SBK1: variants seen among roughly 807,000 people sequenced by gnomAD.
SBK1 encodes serine/threonine-protein kinase SBK1.
In SBK1, 11 loss-of-function variants were observed where a neutral mutation model predicts 24.4. The observed-to-expected ratio is 0.45, with a 90% CI of 0.28 to 0.75. The LOEUF is 0.75. SBK1 is among the 30% of genes least tolerant of loss of function. The pLI, the probability that SBK1 is intolerant of heterozygous loss-of-function variation, is 0.12. For missense variants in SBK1, 467 were observed against 620.5 expected (o/e 0.75, Z 2.63); for synonymous variants, 308 against 284.4 (o/e 1.08, Z -0.83).
intron 1 of SBK1, among the ~76,000 whole-genome samples, chr16:28,315,805 G>A (rs1417178114): frequency 6.6e-5 from 10 of 152,034 alleles, no homozygotes; most frequent in African/African-American, 4.8e-5. Flanking sequence ...TTGTTCTGTC[G>A]CCCAGGCTGG....
At chr16:28,284,411 CAG>C (rs2044552773) in intron 1 of SBK1, among the ~76,000 whole-genome samples, 1 of 152,238 alleles carries the variant, frequency 6.6e-6, no homozygotes. Context: ...CCTGCTCCCC[CAG>C]CACACACCCC....
chr16:28,314,655 C>A (rs988966480), intron 1 of SBK1, among the ~76,000 whole-genome samples: 2 of 152,062 alleles, frequency 1.3e-5, no homozygotes, highest in South Asian at 2.1e-4. Context: ...TAGGAGCAGG[C>A]TAGGGACACT....
intron 1 of SBK1, among the ~76,000 whole-genome samples, chr16:28,287,317 C>G (rs1373093081): frequency 6.8e-6 from 1 of 148,066 alleles, no homozygotes; most frequent in Non-Finnish European, 1.5e-5. Flanking sequence ...GGCATGGTGG[C>G]ACGTGCCTGT....
chr16:28,307,060 C>T (rs1475228765), intron 1 of SBK1, among the ~76,000 whole-genome samples: 1 of 152,172 alleles, frequency 6.6e-6, no homozygotes, highest in Non-Finnish European at 1.5e-5. Context: ...GCCCCAGCCC[C>T]AGCCCCAGCA....
At position 28,318,189 on chromosome 16, in the gene SBK1, G is replaced by C. The variant is rs150097248; in HGVS notation, c.226+572G>C. Among the ~76,000 whole-genome samples the C allele has an allele frequency of 3.9e-5, 6 of 152,280 alleles. No individual in the cohort carries two copies. In the South Asian group the frequency reaches 1.2e-3, roughly 32 times the overall value. On this transcript the variant is annotated intron_variant, in intron 2 of 3. Coordinates refer to ENST00000341901, the MANE Select transcript of SBK1 (RefSeq NM_001024401.3). ...CAGGAGTCATCTCCAGAGCCTTGTC[G>C]CTTAGTCACTGAGCTTGATACCTCC... is the stretch of plus-strand genomic sequence containing the variant.
chr16:28,295,896 C>A (rs1379195760), intron 1 of SBK1, among the ~76,000 whole-genome samples: 1 of 146,812 alleles, frequency 6.8e-6, no homozygotes, highest in East Asian at 2.0e-4. Flanking sequence ...ATGCTGGCAT[C>A]TGGGTTTGCA....
Position 28,320,529 on chromosome 16 carries a change from T to C in SBK1, c.883T>C (p.Leu295=). The change falls in exon 4 of 4, where the codon TTA becomes CTA. Residue 295 remains leucine, a synonymous_variant. Transcript: ENST00000341901. This position sits in a 1 kb window ranked among gnomAD's most constrained non-coding sequence, Gnocchi z 8.5. ...TEPALRMFQR[L]LALEPERRGP... is the part of the protein sequence containing the mutation. The stretch of plus-strand genomic sequence containing the variant: ...GCCCGCGCTGCGCATGTTCCAGCGC[T>C]TACTGGCCCTGGAGCCCGAGCGCCG... 2 of 1,564,310 alleles carry C rather than the reference T, an allele frequency of 1.3e-6. No individual in the cohort carries two copies. The highest frequency in any genetic ancestry group is 1.4e-5 in the African/African-American group (1 of 72,090).
At chr16:28,299,687 G>A (rs952536407) in intron 1 of SBK1, among the ~76,000 whole-genome samples, 3 of 152,088 alleles carry the variant, frequency 2.0e-5, no homozygotes, top group African/African-American at 7.2e-5. Flanking sequence ...AGCTGGCCTC[G>A]GAGTTTCTGA....
intron 1 of SBK1, among the ~76,000 whole-genome samples, chr16:28,309,500 C>T (rs1220852386): frequency 6.6e-6 from 1 of 152,148 alleles, no homozygotes; most frequent in Non-Finnish European, 1.5e-5. Flanking sequence ...TCAGTTGTGG[C>T]GATGACTGCA....
chr16:28,294,174 G>T (rs7194938), intron 1 of SBK1, among the ~76,000 whole-genome samples: 1 of 152,090 alleles, frequency 6.6e-6, no homozygotes, highest in East Asian at 1.9e-4. Flanking sequence ...CCGTACCCCA[G>T]CCTGGCCCTC....
intron 1 of SBK1, among the ~76,000 whole-genome samples, chr16:28,270,867 ATTTATTTATTTT>A (rs1415245472): frequency 2.5e-4 from 12 of 47,448 alleles, no homozygotes; most frequent in Non-Finnish European, 3.6e-4. Flanking sequence ...TTATTTATTT[ATTTATTTATTTT>A]TTGAGACGGA....
rs2044871631 is a variant in SBK1, at chr16:28,323,301, G to GCAAAAATAA, written c.*2380_*2381insCAAAAATAA. 2 of 150,980 alleles carry GCAAAAATAA rather than the reference G, an allele frequency of 1.3e-5. No individual in the cohort carries two copies. Among genetic ancestry groups the GCAAAAATAA allele is most frequent in the Non-Finnish European group, 3.0e-5 (2 of 67,736 alleles). The allele number at this position is 150,980 out of a possible 1,614,324, so 9.4% of individuals were successfully genotyped here. On this transcript the variant is annotated 3_prime_UTR_variant, in exon 4 of 4. Coordinates refer to ENST00000341901, the MANE Select transcript of SBK1 (RefSeq NM_001024401.3). ...AAAAATAATAGCAAAAAATAACACT[G>GCAAAAATAA]TAGACATGAAGACTTAGAAGACAAA...
chr16:28,288,898 C>G (rs1198709448), upstream of SBK1, among the ~76,000 whole-genome samples: 1 of 152,168 alleles, frequency 6.6e-6, no homozygotes, highest in Non-Finnish European at 1.5e-5. Context: ...CTTTGGGGAC[C>G]AGGACTTCCC....
At chr16:28,307,777 A>C (rs187724488) in intron 1 of SBK1, among the ~76,000 whole-genome samples, 182 of 151,950 alleles carry the variant, frequency 1.2e-3, no homozygotes, top group African/African-American at 4.4e-3. Context: ...AGAAAAGAAA[A>C]AATAAATAAA....
intron 1 of SBK1, among the ~76,000 whole-genome samples, chr16:28,295,630 G>T (rs2044633435): frequency 6.6e-6 from 1 of 152,158 alleles, no homozygotes; most frequent in African/African-American, 2.4e-5. Context: ...GGCACGTGCT[G>T]TAAAATACAG....
rs759169329 is a variant in SBK1, at chr16:28,320,321, C to G, written c.675C>G (p.Ala225=). ...CTGAGGTGTGCCAGGCGGGCCGCGC[C>G]GACGGGCTGGCGGTGGACACGGGCG... is the stretch of plus-strand genomic sequence containing the variant. ...TAPEVCQAGR[A]DGLAVDTGVD... is the part of the protein sequence containing the mutation. Residue 225 remains alanine (A), a synonymous_variant, in exon 4 of 4, where the codon GCC becomes GCG. Coordinates refer to ENST00000341901, the MANE Select transcript of SBK1 (RefSeq NM_001024401.3). The surrounding 1 kb of genome is among the most constrained non-coding windows in gnomAD (Gnocchi z 8.5). 14 of 1,591,836 alleles carry G rather than the reference C, an allele frequency of 8.8e-6. No individual in the cohort carries two copies. The highest frequency in any genetic ancestry group is 8.5e-7 in the Non-Finnish European group (1 of 1,175,392).
rs570535621 is a variant in SBK1, at chr16:28,320,129, G to C, written c.483G>C (p.Ala161=). ...GCTGTGTGCAGCAGCTGGGCCTGGCGCTGGACTTCATGCACGGGCGGCAGC... is the reference window on the plus strand; with the variant it reads ...GCTGTGTGCAGCAGCTGGGCCTGGCCCTGGACTTCATGCACGGGCGGCAGC... ...VKRCVQQLGL[A]LDFMHGRQLV... is the part of the protein sequence containing the mutation. The change falls in exon 4 of 4, where the codon GCG becomes GCC. Residue 161 remains alanine (A), a synonymous_variant. Transcript: ENST00000341901. This position sits in a 1 kb window ranked among gnomAD's most constrained non-coding sequence, Gnocchi z 8.5. 3 of 1,577,588 alleles carry C rather than the reference G, an allele frequency of 1.9e-6. No homozygotes were observed. In the African/African-American group the frequency reaches 4.0e-5, roughly 21 times the overall value.
At chr16:28,293,383 G>T (rs1341514791) in intron 1 of SBK1, 83 bp downstream of exon 1, 1 of 698,034 alleles carries the variant, frequency 1.4e-6, no homozygotes, top group African/African-American at 1.9e-5. Flanking sequence ...GAAGTATCGG[G>T]TTGCGCGCTC....
At position 28,321,145 on chromosome 16, in the gene SBK1, A is replaced by C. The variant is rs1182357646; in HGVS notation, c.*224A>C. 5.6e-6 allele frequency: 2 copies of C among 355,118 alleles called. No individual in the cohort carries two copies. Among genetic ancestry groups the C allele is most frequent in the African/African-American group, 4.6e-5 (2 of 43,920 alleles). The allele number at this position is 355,118 out of a possible 1,614,324, so 22.0% of individuals were successfully genotyped here. A position where few individuals can be genotyped will look rare whatever the true frequency, so the allele number is the denominator to read the frequency against. On this transcript the variant is annotated 3_prime_UTR_variant, in exon 4 of 4. Coordinates refer to ENST00000341901, the MANE Select transcript of SBK1 (RefSeq NM_001024401.3). ...AGCGGGGGCTTGGCCCAGAGGAGCCAAGCCGCACAGACCCGAGAATTCGGA... is the reference window on the plus strand; with the variant it reads ...AGCGGGGGCTTGGCCCAGAGGAGCCCAGCCGCACAGACCCGAGAATTCGGA...
Sources: gnomAD v4.1 joint callset for allele counts (sites outside exome capture counted in the v4.1 genomes callset) on GRCh38, gnomAD v4.1.1 for gene constraint, Gnocchi (gnomAD v3.1) non-coding constraint, MANE v1.5 for transcripts, NCBI Gene and HGNC (gene_info 2026-07-23, HGNC 2026-07-21) for gene names.